Variants in RTN4 observed in about 807,000 individuals in gnomAD.
RTN4 encodes the protein reticulon 4, also known as reticulon-4.
Under a neutral mutation model 90.4 loss-of-function variants are expected in RTN4, and 32 were observed. The observed-to-expected ratio is 0.35, with a 90% confidence interval of 0.27 to 0.48. RTN4 has a LOEUF of 0.48. RTN4 is among the 20% of genes least tolerant of loss of function. The pLI, the probability that RTN4 is intolerant of heterozygous loss-of-function variation, is 0.99. For synonymous variants in RTN4, 629 were observed against 552.5 expected, an observed-to-expected ratio of 1.14 and a Z score of -1.94; for missense variants, 1,706 against 1,430.2, an observed-to-expected ratio of 1.19 and a Z score of -3.11.
chr2:55,098,202 A>C lies in RTN4; in HGVS notation c.-214+14318T>G, dbSNP rs544284786. 2.0e-5 allele frequency among the ~76,000 whole-genome samples: 3 copies of C among 152,232 alleles called. No homozygotes were observed. The East Asian group carries it at 5.8e-4, about 29-fold the overall frequency. On this transcript the variant is annotated intron_variant, in intron 1 of 3. Transcript: ENST00000427710. ...AAGTATGTCCGGATTTCCAGTACCCAGCACAAAGCTGGTGTTTAGTAAATG... is the reference window on the plus strand; with the variant it reads ...AAGTATGTCCGGATTTCCAGTACCCCGCACAAAGCTGGTGTTTAGTAAATG...
At chr2:55,055,296 A>C (rs181017534), upstream of RTN4, among the ~76,000 whole-genome samples, 1 of 152,042 alleles carries the variant, frequency 6.6e-6, no homozygotes, top group East Asian at 1.9e-4. Context: ...ATGTGTCCTC[A>C]TATGAAGAAA....
At position 55,028,161 on chromosome 2, in the gene RTN4, T is replaced by C. The variant is rs1393804462; in HGVS notation, c.613+3A>G. The C allele has an allele frequency of 1.2e-6, 2 of 1,611,898 alleles. No individual in the cohort carries two copies. Among genetic ancestry groups the C allele is most frequent in the Non-Finnish European group, 1.7e-6 (2 of 1,178,986 alleles). On this transcript the variant is annotated splice_donor_region_variant and intron_variant, in intron 2 of 8. Coordinates refer to ENST00000337526, the MANE Select transcript of RTN4 (RefSeq NM_020532.5). Reference sequence around the variant, plus strand: ...GGATAAAAGGCTGGCAGAAAGAACTTGCCTGCAGAGGAGCGTATCACAGGC... The same window carrying C: ...GGATAAAAGGCTGGCAGAAAGAACTCGCCTGCAGAGGAGCGTATCACAGGC...
upstream of RTN4, among the ~76,000 whole-genome samples, chr2:55,117,420 T>C (rs892582140): frequency 6.6e-6 from 1 of 152,168 alleles, no homozygotes; most frequent in African/African-American, 2.4e-5. Context: ...AAGACACAGC[T>C]AGAGCCCTGG....
intron 3 of RTN4, among the ~76,000 whole-genome samples, chr2:54,994,028 C>T (rs1679228681): frequency 6.6e-6 from 1 of 151,984 alleles, no homozygotes; most frequent in Admixed American, 6.6e-5. Flanking sequence ...ATTTCTAGTC[C>T]CTTACAGATT....
chr2:55,014,416 A>T (rs1680877418), intron 3 of RTN4: 1 of 152,224 alleles, frequency 6.6e-6, no homozygotes, highest in Non-Finnish European at 1.5e-5. Context: ...AATTTTTTAT[A>T]TAAAAATATG....
At chr2:55,067,249 C>T (rs1668410153) in intron 2 of RTN4, among the ~76,000 whole-genome samples, 3 of 152,000 alleles carry the variant, frequency 2.0e-5, no homozygotes, top group African/African-American at 4.8e-5. Context: ...AATATGATAC[C>T]TGACCTGCAG....
At chr2:55,064,168 G>A (rs559316155) in intron 2 of RTN4, among the ~76,000 whole-genome samples, 109 of 146,822 alleles carry the variant, frequency 7.4e-4, no homozygotes, top group South Asian at 1.9e-3. Flanking sequence ...CATGATGGCT[G>A]TACTCCAGAC....
chr2:55,024,018 A>G (rs543585934), intron 3 of RTN4, among the ~76,000 whole-genome samples: 1 of 152,326 alleles, frequency 6.6e-6, no homozygotes, highest in East Asian at 1.9e-4. Context: ...CTTCATGTGT[A>G]TAATATCCAT....
intron 1 of RTN4, among the ~76,000 whole-genome samples, chr2:55,047,957 T>C (rs1172882124): frequency 1.3e-5 from 2 of 152,156 alleles, no homozygotes; most frequent in Non-Finnish European, 2.9e-5. Flanking sequence ...ATCTGAGAAA[T>C]GTATTGTTAG....
intron 1 of RTN4, among the ~76,000 whole-genome samples, chr2:55,085,935 C>T (rs1214438875): frequency 2.6e-5 from 4 of 152,310 alleles, no homozygotes; most frequent in African/African-American, 9.6e-5. Flanking sequence ...ATCATTATTG[C>T]AGTCCTCATT....
intron 3 of RTN4, among the ~76,000 whole-genome samples, chr2:54,991,098 C>A (rs1024591141): frequency 6.6e-6 from 1 of 152,052 alleles, no homozygotes; most frequent in African/African-American, 2.4e-5. Context: ...ATCTATTTTT[C>A]ATATGAACAA....
At chr2:55,137,771 T>C in the RTN4 span, among the ~76,000 whole-genome samples, 1 of 152,072 alleles carries the variant, frequency 6.6e-6, no homozygotes, top group South Asian at 2.1e-4. Flanking sequence ...TCATTTCCCT[T>C]CACATGGGCA....
the RTN4 span, among the ~76,000 whole-genome samples, chr2:55,135,025 G>T: frequency 6.6e-6 from 1 of 152,044 alleles, no homozygotes; most frequent in African/African-American, 2.4e-5. Flanking sequence ...TTCCATTTGG[G>T]GAGGCCAAGG....
the RTN4 span, among the ~76,000 whole-genome samples, chr2:55,132,305 C>A: frequency 6.6e-6 from 1 of 152,190 alleles, no homozygotes; most frequent in East Asian, 1.9e-4. Context: ...GAGTTTGAGA[C>A]CAGCCTGGCC....
At chr2:55,127,602 C>T in the RTN4 span, among the ~76,000 whole-genome samples, 12 of 152,222 alleles carry the variant, frequency 7.9e-5, no homozygotes, top group Non-Finnish European at 1.2e-4. Context: ...CATCCATCCT[C>T]ATAATACCCC....
rs576713426 is a variant in RTN4, at chr2:55,069,711, C to T, written c.-63+10778G>A. 2.4e-4 allele frequency among the ~76,000 whole-genome samples: 37 copies of T among 152,276 alleles called. 1 individual carries two copies. The South Asian group carries it at 6.2e-3, about 26-fold the overall frequency. ...AAGCAGTCTCCCAGAGAGGCCCAAC[C>T]GACATTCCTGGGGGCACCTGCAGGG... On this transcript the variant is annotated intron_variant, in intron 2 of 3. Transcript: ENST00000427710.
intron 3 of RTN4, among the ~76,000 whole-genome samples, chr2:55,003,392 A>G (rs774082628): frequency 4.6e-5 from 7 of 152,202 alleles, no homozygotes; most frequent in Non-Finnish European, 7.3e-5. Flanking sequence ...GACACAAAAT[A>G]TTTTAGTGTC....
At chr2:55,120,848 G>A in the RTN4 span, among the ~76,000 whole-genome samples, 1 of 152,026 alleles carries the variant, frequency 6.6e-6, no homozygotes, top group Non-Finnish European at 1.5e-5. Flanking sequence ...AGAAAAGCTC[G>A]GGTCTCCGGC....
At chr2:54,981,367 T>C (rs889962227) in intron 5 of RTN4, among the ~76,000 whole-genome samples, 1 of 152,000 alleles carries the variant, frequency 6.6e-6, no homozygotes, top group Admixed American at 6.6e-5. Flanking sequence ...AAAGGCCCAG[T>C]CACCTTATTA....
Sources: allele counts gnomAD v4.1 joint callset (sites outside exome capture counted in the v4.1 genomes callset), GRCh38; gene constraint gnomAD v4.1.1; transcripts MANE v1.5; gene names NCBI Gene and HGNC (gene_info 2026-07-23, HGNC 2026-07-21).